The following CDK13 variants were observed in gnomAD, a reference collection of about 807,000 sequenced individuals.
The protein encoded by CDK13 is cyclin-dependent kinase 13.
Under a neutral mutation model 137.6 loss-of-function variants are expected in CDK13, and 40 were observed. The ratio of observed to expected loss-of-function variants is 0.29; its 90% confidence interval spans 0.23 to 0.38. The LOEUF (loss-of-function observed/expected upper bound fraction) is 0.38, where lower values mean the gene tolerates loss of function less well. CDK13 is among the 10% of genes least tolerant of loss of function. The probability of loss-of-function intolerance (pLI) is 1.00; values close to 1 mark genes in which losing one functional copy is unlikely to be tolerated. For missense variants in CDK13, 1,704 were observed against 1,951.8 expected (o/e 0.87, Z 2.39); for synonymous variants, 869 against 760.1 (o/e 1.14, Z -2.36).
Position 39,950,456 on chromosome 7 carries a change from G to A in CDK13, c.-186G>A. On this transcript the variant is annotated 5_prime_UTR_variant, in exon 1 of 14. Coordinates refer to ENST00000181839, the MANE Select transcript of CDK13 (RefSeq NM_003718.5). ...TTCCCTGGGGCCCGGAGGCTGCTGC[G>A]TACCCCACTGTGACCTGGAACCCAG... The A allele has an allele frequency of 8.0e-7, 1 of 1,244,432 alleles. No individual in the cohort carries two copies. Among genetic ancestry groups the A allele is most frequent in the Non-Finnish European group, 1.0e-6 (1 of 995,180 alleles). 77.1% of individuals were successfully genotyped at this position (1,244,432 alleles called of 1,614,324 possible).
intron 5 of CDK13, among the ~76,000 whole-genome samples, chr7:40,013,787 T>C (rs939248696): frequency 6.6e-6 from 1 of 152,092 alleles, no homozygotes; most frequent in Non-Finnish European, 1.5e-5. Context: ...AAAGCTGTTA[T>C]TTAAGGAAAA....
chr7:40,032,905 A>G (rs564949144), intron 5 of CDK13, among the ~76,000 whole-genome samples: 110 of 152,298 alleles, frequency 7.2e-4, no homozygotes, highest in Middle Eastern at 3.4e-3. Context: ...GTTAGAATCA[A>G]TTTGTTGATA....
intron 1 of CDK13, among the ~76,000 whole-genome samples, chr7:39,967,662 A>G (rs1255503543): frequency 2.0e-5 from 3 of 152,176 alleles, no homozygotes; most frequent in South Asian, 2.1e-4. Context: ...AGGAACCTCC[A>G]TACCATTATC....
intron 9 of CDK13, among the ~76,000 whole-genome samples, chr7:40,065,321 T>G (rs1190745038): frequency 6.6e-6 from 1 of 152,020 alleles, no homozygotes; most frequent in African/African-American, 2.4e-5. Context: ...AATTTACATA[T>G]GCTAAAAAAT....
chr7:39,952,000 C>T lies in CDK13; in HGVS notation c.1211+148C>T, dbSNP rs974267980. On this transcript the variant is annotated intron_variant, in intron 1 of 13. Transcript: ENST00000181839. ...GCCTGAGCCTCCCAGGAAGGATAGG[C>T]GTTTTCGCGCGCGTGACACTTTTTT... The T allele has an allele frequency of 5.7e-5, 46 of 805,760 alleles. No homozygotes were observed. In the East Asian group the frequency reaches 1.5e-3, roughly 26 times the overall value. The allele number at this position is 805,760 out of a possible 1,614,324, so 49.9% of individuals were successfully genotyped here.
Position 40,024,551 on chromosome 7 carries a change from G to T in CDK13, c.2354-21285G>T, listed in dbSNP as rs551651030. ...ACCTTTTCTGAAAGAGTTCTATTCA[G>T]GTTGGCTTTCTCTCTCTCTGGCTGT... On this transcript the variant is annotated intron_variant, in intron 5 of 13. Coordinates refer to ENST00000181839, the MANE Select transcript of CDK13 (RefSeq NM_003718.5). Among the ~76,000 whole-genome samples the T allele has an allele frequency of 1.9e-4, 28 of 151,046 alleles. No individual in the cohort carries two copies. The South Asian group carries it at 5.8e-3, about 31-fold the overall frequency.
chr7:40,068,643 T>C (rs1037170342), intron 9 of CDK13, among the ~76,000 whole-genome samples: 1 of 140,608 alleles, frequency 7.1e-6, no homozygotes, highest in Admixed American at 7.5e-5. Context: ...GAGGCAGAGG[T>C]TGCAGTGAGT....
At chr7:40,046,646 CAAAAAT>C (rs1231219586) in intron 6 of CDK13, among the ~76,000 whole-genome samples, 11 of 150,574 alleles carry the variant, frequency 7.3e-5, no homozygotes, top group African/African-American at 2.0e-4. Context: ...GACTCTGGCT[CAAAAAT>C]AAAAATAAAA....
At chr7:39,967,165 C>T (rs1408259600) in intron 1 of CDK13, among the ~76,000 whole-genome samples, 3 of 128,638 alleles carry the variant, frequency 2.3e-5, no homozygotes, top group East Asian at 2.7e-4. Context: ...CAGTGGCACA[C>T]GCCTGTAATC....
At chr7:40,071,460 CTT>C (rs1484116069) in intron 9 of CDK13, 2 of 152,096 alleles carry the variant, frequency 1.3e-5, no homozygotes, top group Admixed American at 6.6e-5. Flanking sequence ...GGTGCATATT[CTT>C]CTTAGAAACC....
intron 2 of CDK13, among the ~76,000 whole-genome samples, chr7:39,989,613 A>G (rs1483600152): frequency 6.6e-6 from 1 of 152,060 alleles, no homozygotes; most frequent in Non-Finnish European, 1.5e-5. Context: ...TAATTATACT[A>G]CTATAATTGT....
At chr7:40,092,055 C>T (rs1786936983) in intron 12 of CDK13, among the ~76,000 whole-genome samples, 1 of 151,498 alleles carries the variant, frequency 6.6e-6, no homozygotes, top group Admixed American at 6.6e-5. Context: ...CTATCATATG[C>T]ATATATTAAT....
chr7:39,996,961 CAAAAAAAAAAAAAAAG>C lies in CDK13; in HGVS notation c.1872-521_1872-506del, dbSNP rs1262558931. On this transcript the variant is annotated intron_variant, in intron 2 of 13. Coordinates refer to ENST00000181839, the MANE Select transcript of CDK13 (RefSeq NM_003718.5). ...CTTGGGTGACAGTGAGATTCCATCT[CAAAAAAAAAAAAAAAG>C]AAAAAAAAAAAGAAAAATGCTTTGC... Among the ~76,000 whole-genome samples the C allele has an allele frequency of 6.0e-5, 5 of 83,242 alleles. 1 individual carries two copies. The highest frequency in any genetic ancestry group is 1.0e-4 in the Non-Finnish European group (5 of 49,704). The allele number at this position is 83,242 out of a possible 152,430, so 54.6% of individuals were successfully genotyped here. A position where few individuals can be genotyped will look rare whatever the true frequency, so the allele number is the denominator to read the frequency against.
chr7:39,995,202 G>A (rs1291357051), intron 2 of CDK13, among the ~76,000 whole-genome samples: 2 of 151,940 alleles, frequency 1.3e-5, no homozygotes, highest in Non-Finnish European at 2.9e-5. Context: ...TTTAAATTAT[G>A]TAACATTGTT....
intron 1 of CDK13, among the ~76,000 whole-genome samples, chr7:39,981,827 T>A (rs1197561575): frequency 6.7e-6 from 1 of 149,844 alleles, no homozygotes; most frequent in Non-Finnish European, 1.5e-5. Context: ...AGTCTCGCTC[T>A]GTCACCCAGG....
In CDK13 at chr7:40,015,004, A is replaced by G. The variant is rs184667604; in HGVS notation, c.2353+12973A>G. On this transcript the variant is annotated intron_variant, in intron 5 of 13. Coordinates refer to ENST00000181839, the MANE Select transcript of CDK13 (RefSeq NM_003718.5). ...GAGAAGAAAAATATGTATAAAATAG[A>G]TTGTAGTCTGTTTCAGAATAATCAA... 2.4e-4 allele frequency among the ~76,000 whole-genome samples: 37 copies of G among 152,316 alleles called. No individual in the cohort carries two copies. In the East Asian group the frequency reaches 6.9e-3, roughly 29 times the overall value.
At chr7:39,979,216 CTTTTTTTTTTTTTTTT>C (rs1784173115) in intron 1 of CDK13, among the ~76,000 whole-genome samples, 2 of 130,888 alleles carry the variant, frequency 1.5e-5, no homozygotes, top group Non-Finnish European at 3.2e-5. Context: ...TCTTTTTTTT[CTTTTTTTTTTTTTTTT>C]GAGACAGAGT....
chr7:40,042,477 CTTTTTTT>C (rs5883713), intron 5 of CDK13, among the ~76,000 whole-genome samples: 26 of 76,146 alleles, frequency 3.4e-4, no homozygotes, highest in East Asian at 1.0e-3. Context: ...TCTTTTCTTT[CTTTTTTT>C]TTTTTTTTTT....
chr7:39,957,637 T>G (rs1356848188), intron 1 of CDK13, among the ~76,000 whole-genome samples: 1 of 152,202 alleles, frequency 6.6e-6, no homozygotes, highest in African/African-American at 2.4e-5. Context: ...TCTACTTTAT[T>G]AGAATGAGTA....
Sources: allele counts gnomAD v4.1 joint callset (sites outside exome capture counted in the v4.1 genomes callset), GRCh38; gene constraint gnomAD v4.1.1; transcripts MANE v1.5; gene names NCBI Gene and HGNC (gene_info 2026-07-23, HGNC 2026-07-21).